TRAPPC8: variants seen among roughly 807,000 people sequenced by gnomAD.
TRAPPC8 encodes the protein general sporulation gene 1 homolog.
Under a neutral mutation model 174.3 loss-of-function variants are expected in TRAPPC8, and 54 were observed. That is an observed-to-expected ratio of 0.31 (90% CI 0.25 to 0.39). The LOEUF (loss-of-function observed/expected upper bound fraction) is 0.39. TRAPPC8 is among the 10% of genes least tolerant of loss of function. TRAPPC8 has a pLI of 1.00. For missense variants in TRAPPC8, 1,531 were observed against 1,699.1 expected (o/e 0.90, Z 1.74); for synonymous variants, 630 against 579.9 (o/e 1.09, Z -1.24).
At position 31,902,788 on chromosome 18, in the gene TRAPPC8, C is replaced by T. The variant is rs190810624; in HGVS notation, c.1390-1763G>A. On this transcript the variant is annotated intron_variant, in intron 9 of 28. Coordinates refer to ENST00000283351, the MANE Select transcript of TRAPPC8 (RefSeq NM_014939.5). ...CCTACTGGCCAGGCGCGGTGGCTCA[C>T]GCCTGTAATCCAGCACTTTGGGAGG... is the stretch of plus-strand genomic sequence containing the variant. Among the ~76,000 whole-genome samples, 29 of 152,104 alleles carry T rather than the reference C, an allele frequency of 1.9e-4. No homozygotes were observed. The East Asian group carries it at 5.1e-3, about 27-fold the overall frequency.
intron 1 of TRAPPC8, among the ~76,000 whole-genome samples, chr18:31,932,769 G>T (rs1022239962): frequency 1.3e-5 from 2 of 151,628 alleles, no homozygotes; most frequent in Admixed American, 1.3e-4. Flanking sequence ...ATCACCTGAG[G>T]TCAGGAGTTC....
intron 7 of TRAPPC8, among the ~76,000 whole-genome samples, 163 bp downstream of exon 7, chr18:31,908,591 C>A (rs1365054890): frequency 6.6e-6 from 1 of 152,064 alleles, no homozygotes; most frequent in African/African-American, 2.4e-5. Context: ...TAAGCCTCTT[C>A]TAGAGTTGAA....
In TRAPPC8 at chr18:31,931,527, T is replaced by C; in HGVS notation, c.158-4A>G. On this transcript the variant is annotated splice_polypyrimidine_tract_variant and splice_region_variant and intron_variant, in intron 1 of 28. Transcript: ENST00000283351. ...TTATTAGGATCTCTCATGTGAACTT[T>C]AAAGAAAAAAAGAAAAAAACTTGAA... 3 of 1,533,444 alleles carry C rather than the reference T, an allele frequency of 2.0e-6. No homozygotes were observed. The highest frequency in any genetic ancestry group is 2.6e-6 in the Non-Finnish European group (3 of 1,141,342). 95.0% of individuals were successfully genotyped at this position (1,533,444 alleles called of 1,614,324 possible). A position where few individuals can be genotyped will look rare whatever the true frequency, so the allele number is the denominator to read the frequency against.
rs751455375 is a variant in TRAPPC8, at chr18:31,942,812, G to C, written c.-48C>G. 2 of 1,304,808 alleles carry C rather than the reference G, an allele frequency of 1.5e-6. No homozygotes were observed. The highest frequency in any genetic ancestry group is 2.0e-6 in the Non-Finnish European group (2 of 1,021,456). 80.8% of individuals were successfully genotyped at this position (1,304,808 alleles called of 1,614,324 possible). A position where few individuals can be genotyped will look rare whatever the true frequency, so the allele number is the denominator to read the frequency against. On this transcript the variant is annotated 5_prime_UTR_variant, in exon 1 of 29. Transcript: ENST00000283351. ...GCGCCCGCCCTCCGGCCCACCCTGC[G>C]AGGTTATCCTGCGGCTGCAGCAGCT...
chr18:31,926,958 CAT>C (rs1220993090), intron 2 of TRAPPC8, among the ~76,000 whole-genome samples: 1 of 152,000 alleles, frequency 6.6e-6, no homozygotes, highest in Non-Finnish European at 1.5e-5. Context: ...CTTATTACGC[CAT>C]AGACAGCCAT....
rs775114850 is a variant in TRAPPC8 at position 31,866,912 on chromosome 18, G to C, written c.2527C>G (p.Leu843Val). 7 of 1,613,690 alleles carry C rather than the reference G, an allele frequency of 4.3e-6. No individual in the cohort carries two copies. The South Asian group carries it at 6.6e-5, about 15-fold the overall frequency. Residue 843 changes from leucine to valine, a missense_variant, in exon 18 of 29, where the codon CTT (leucine) becomes GTT (valine). Physicochemically the swap from Leu to Val is conservative, Grantham distance 32 (BLOSUM62 1). Coordinates refer to ENST00000283351, the MANE Select transcript of TRAPPC8 (RefSeq NM_014939.5). Reference protein sequence around the residue: ...ELHILGVVYNLGTIQGSMTVD... With the variant: ...ELHILGVVYNVGTIQGSMTVD... ...GTCATAGAGCCCTGAATAGTGCCAA[G>C]ATTATAAACAACTCCCAGAATATGC...
Position 31,846,771 on chromosome 18 carries a change from T to C in TRAPPC8, c.3782A>G (p.His1261Arg), listed in dbSNP as rs1170028326. ...DSKQLILEGQHHVILRTIGKE... is the reference protein window; with the variant it reads ...DSKQLILEGQRHVILRTIGKE... ...TCCTATAGTGCGAAGAATAACATGA[T>C]GTTGACCTTCCAAAATAAGCTGTTT... is the stretch of plus-strand genomic sequence containing the variant. Residue 1261 changes from histidine to arginine, a missense_variant, in exon 26 of 29, where the codon CAT becomes CGT. By Grantham distance (29) the His-to-Arg change is conservative. Transcript: ENST00000283351. 4 of 1,613,206 alleles carry C rather than the reference T, an allele frequency of 2.5e-6. No individual in the cohort carries two copies. The East Asian group carries it at 8.9e-5, about 36-fold the overall frequency.
chr18:31,910,628 A>G (rs1398839748), intron 5 of TRAPPC8, among the ~76,000 whole-genome samples: 1 of 152,228 alleles, frequency 6.6e-6, no homozygotes, highest in Non-Finnish European at 1.5e-5. Flanking sequence ...GTGATCAGAC[A>G]TGCAATAGGT....
At chr18:31,927,890 C>A (rs901205178) in intron 2 of TRAPPC8, among the ~76,000 whole-genome samples, 5 of 152,156 alleles carry the variant, frequency 3.3e-5, no homozygotes, top group African/African-American at 1.2e-4. Context: ...CCTGGTCACT[C>A]ATGCTTGTAA....
At chr18:31,835,729 T>C (rs1433013294) in intron 27 of TRAPPC8, among the ~76,000 whole-genome samples, 1 of 152,256 alleles carries the variant, frequency 6.6e-6, no homozygotes, top group Non-Finnish European at 1.5e-5. Context: ...TTAGCAGTTA[T>C]TCACTCTCTC....
chr18:31,853,402 G>A (rs1027529242), intron 22 of TRAPPC8, among the ~76,000 whole-genome samples: 5 of 152,090 alleles, frequency 3.3e-5, no homozygotes, highest in African/African-American at 1.2e-4. Flanking sequence ...CGAGTAGCTG[G>A]GATTACAGGC....
At position 31,846,960 on chromosome 18, in the gene TRAPPC8, TTTAG is replaced by T. The variant is rs1253313672; in HGVS notation, c.3736-147_3736-144del. The T allele has an allele frequency of 2.0e-5, 10 of 498,154 alleles. No homozygotes were observed. In the South Asian group the frequency reaches 3.9e-4, roughly 20 times the overall value. 30.9% of individuals were successfully genotyped at this position (498,154 alleles called of 1,614,324 possible). ...TCCTGGCAATGTCACCATTTCTACT[TTTAG>T]TTATTCATTCAATCAATAAAGTATC... On this transcript the variant is annotated intron_variant, in intron 25 of 28. Coordinates refer to ENST00000283351, the MANE Select transcript of TRAPPC8 (RefSeq NM_014939.5).
chr18:31,876,204 C>A (rs1008720436), intron 12 of TRAPPC8, among the ~76,000 whole-genome samples: 4 of 151,896 alleles, frequency 2.6e-5, no homozygotes, highest in Non-Finnish European at 5.9e-5. Flanking sequence ...TTCAAGATCG[C>A]TTACAGCCGG....
intron 9 of TRAPPC8, among the ~76,000 whole-genome samples, chr18:31,906,600 A>G (rs973197215): frequency 6.6e-6 from 1 of 152,214 alleles, no homozygotes; most frequent in African/African-American, 2.4e-5. Context: ...GATTAAATAA[A>G]AAGTAACAGT....
intron 5 of TRAPPC8, among the ~76,000 whole-genome samples, chr18:31,911,117 C>G (rs2036885256): frequency 6.6e-6 from 1 of 152,194 alleles, no homozygotes; most frequent in South Asian, 2.1e-4. Flanking sequence ...ATACTTATAT[C>G]AGAAGATCAA....
intron 9 of TRAPPC8, among the ~76,000 whole-genome samples, chr18:31,901,525 G>A (rs1271175424): frequency 1.3e-5 from 2 of 152,080 alleles, no homozygotes. Flanking sequence ...TGTTTTTCCT[G>A]AAAGAACATG....
rs985786326 is a variant in TRAPPC8 at position 31,920,943 on chromosome 18, C to A, written c.353-3276G>T. On this transcript the variant is annotated intron_variant, in intron 2 of 28. Coordinates refer to ENST00000283351, the MANE Select transcript of TRAPPC8 (RefSeq NM_014939.5). ...GCAACGTGTTAGAGCGACACTCCGT[C>A]TCAAAAAAAAAAAAAAAAAAAAAAA... Among the ~76,000 whole-genome samples, 25 of 100,842 alleles carry A rather than the reference C, an allele frequency of 2.5e-4. No homozygotes were observed. In the South Asian group the frequency reaches 0.01, roughly 41 times the overall value. 66.2% of individuals were successfully genotyped at this position (100,842 alleles called of 152,430 possible). A position where few individuals can be genotyped will look rare whatever the true frequency, so the allele number is the denominator to read the frequency against.
At position 31,871,055 on chromosome 18, in the gene TRAPPC8, A is replaced by G. The variant is rs762660213; in HGVS notation, c.2128T>C (p.Trp710Arg). Residue 710 changes from tryptophan (W) to arginine (R), a missense_variant, in exon 15 of 29, where the codon TGG (tryptophan) becomes CGG (arginine). Transcript: ENST00000283351. ...QEYDSESSQQ[W>R]RELEEQVVSV... is the part of the protein sequence containing the mutation. ...ACAACTTGTTCCTCAAGTTCTCGCC[A>G]CTGCTGAGAGGATTCAGAATCATAT... 1.2e-6 allele frequency: 2 copies of G among 1,610,408 alleles called. No homozygotes were observed. Among genetic ancestry groups the G allele is most frequent in the Non-Finnish European group, 1.7e-6 (2 of 1,177,854 alleles).
At chr18:31,941,171 G>A (rs948575188) in intron 1 of TRAPPC8, among the ~76,000 whole-genome samples, 4 of 152,218 alleles carry the variant, frequency 2.6e-5, no homozygotes, top group Middle Eastern at 3.2e-3. Flanking sequence ...GGCCGGGCGC[G>A]GTGGCTCACG....
Sources: allele counts gnomAD v4.1 joint callset (sites outside exome capture counted in the v4.1 genomes callset), GRCh38; gene constraint gnomAD v4.1.1; transcripts MANE v1.5; gene names NCBI Gene and HGNC (gene_info 2026-07-23, HGNC 2026-07-21).